DNAH3: variants seen among roughly 807,000 people sequenced by gnomAD.
DNAH3 encodes dynein axonemal heavy chain 3, also known as axonemal beta dynein heavy chain 3.
Under a neutral mutation model 432.5 loss-of-function variants are expected in DNAH3, and 332 were observed. The observed-to-expected ratio is 0.77, with a 90% CI of 0.70 to 0.84. The LOEUF (loss-of-function observed/expected upper bound fraction) is 0.84, where lower values mean the gene tolerates loss of function less well. DNAH3 is among the 40% of genes least tolerant of loss of function. DNAH3 has a pLI of 0.00. For missense variants in DNAH3, 4,861 were observed against 5,114.0 expected, an observed-to-expected ratio of 0.95 and a Z score of 1.51; for synonymous variants, 1,956 against 1,900.2, an observed-to-expected ratio of 1.03 and a Z score of -0.76.
chr16:21,003,096 C>T lies in DNAH3; in HGVS notation c.6126+8G>A. ...CCAAAGTTCCATGGCCAATGATTCT[C>T]TTTATACCTTTGCACCAGCTGGAAC... is the stretch of plus-strand genomic sequence containing the variant. On this transcript the variant is annotated splice_region_variant and intron_variant, in intron 42 of 61. Transcript: ENST00000261383. 6.3e-7 allele frequency: 1 copy of T among 1,577,610 alleles called. No homozygotes were observed. The highest frequency in any genetic ancestry group is 1.1e-5 in the South Asian group (1 of 89,844).
At chr16:20,945,453 T>G (rs546402563) in intron 57 of DNAH3, among the ~76,000 whole-genome samples, 1 of 152,240 alleles carries the variant, frequency 6.6e-6, no homozygotes, top group Non-Finnish European at 1.5e-5. Context: ...CAGCAACCCA[T>G]GTCATTGCTC....
chr16:21,129,517 G>A, intron 7 of DNAH3: 1 of 145,554 alleles, frequency 6.9e-6, no homozygotes, highest in Non-Finnish European at 1.5e-5. Flanking sequence ...ATCATTTGAG[G>A]TCAGGAGTTA....
At chr16:20,962,389 T>C (rs986044140) in intron 53 of DNAH3, among the ~76,000 whole-genome samples, 2 of 152,154 alleles carry the variant, frequency 1.3e-5, no homozygotes. Flanking sequence ...GGCCCGTGCA[T>C]TGTGAGGCTT....
chr16:21,104,485 C>A lies in DNAH3; in HGVS notation c.2352G>T (p.Met784Ile), dbSNP rs767414749. Residue 784 changes from methionine (M) to isoleucine (I), a missense_variant, in exon 16 of 62, where the codon ATG becomes ATT. By Grantham distance (10) the Met-to-Ile change is conservative. Coordinates refer to ENST00000261383, the Ensembl canonical transcript of DNAH3. ...TCTCCCGGTACCTTTTAATCAGATC[C>A]ATTTCTGCCTGATCCCTCTTGTGAA... The A allele has an allele frequency of 1.4e-5, 23 of 1,613,742 alleles. No homozygotes were observed. Among genetic ancestry groups the A allele is most frequent in the South Asian group, 2.2e-5 (2 of 91,074 alleles).
intron 11 of DNAH3, chr16:21,120,721 G>T: frequency 6.4e-7 from 1 of 1,567,480 alleles, no homozygotes; most frequent in Non-Finnish European, 8.8e-7. Flanking sequence ...TTCATCAAAT[G>T]TAGTACCGGC....
intron 5 of DNAH3, among the ~76,000 whole-genome samples, chr16:21,138,718 G>A (rs1025962297): frequency 2.0e-5 from 3 of 152,008 alleles, no homozygotes; most frequent in African/African-American, 7.2e-5. Context: ...GCTGAGGCAG[G>A]AGAATCACTT....
At chr16:20,950,517 G>T (rs1392418938) in intron 56 of DNAH3, among the ~76,000 whole-genome samples, 3 of 152,124 alleles carry the variant, frequency 2.0e-5, no homozygotes, top group Admixed American at 6.6e-5. Flanking sequence ...TTAAGCCTCT[G>T]TCTTCCCAGC....
chr16:21,014,745 G>A (rs1012768386), intron 41 of DNAH3, among the ~76,000 whole-genome samples: 2 of 152,082 alleles, frequency 1.3e-5, no homozygotes, highest in African/African-American at 4.8e-5. Context: ...AAGATGGCTG[G>A]ATACAAGATT....
intron 31 of DNAH3, among the ~76,000 whole-genome samples, chr16:21,042,621 AT>A (rs1334530108): frequency 6.6e-6 from 1 of 151,890 alleles, no homozygotes; most frequent in South Asian, 2.1e-4. Context: ...GTTTCATTAA[AT>A]TTTTTATTTC....
chr16:21,066,105 C>T (rs750510593), intron 24 of DNAH3, among the ~76,000 whole-genome samples: 12 of 151,972 alleles, frequency 7.9e-5, no homozygotes, highest in Admixed American at 2.0e-4. Context: ...GGATTACAGG[C>T]ATAAGCCACC....
rs1229254266 is a variant in DNAH3, at chr16:21,145,449, C to G, written c.223-43G>C. 2.6e-6 allele frequency: 4 copies of G among 1,540,876 alleles called. No individual in the cohort carries two copies. In the African/African-American group the frequency reaches 4.1e-5, roughly 16 times the overall value. On this transcript the variant is annotated intron_variant, in intron 2 of 61. Transcript: ENST00000261383. Reference sequence around the variant, plus strand: ...CAGAGTGAGACACAATGAGGAACATCTCTCGATGAGCCTGAGCTCTGCTCA... The same window carrying G: ...CAGAGTGAGACACAATGAGGAACATGTCTCGATGAGCCTGAGCTCTGCTCA...
intron 18 of DNAH3, among the ~76,000 whole-genome samples, chr16:21,091,016 G>A (rs1037562183): frequency 6.6e-6 from 1 of 151,992 alleles, no homozygotes; most frequent in East Asian, 1.9e-4. Flanking sequence ...AGCTGGGTGT[G>A]GTGGTGTGCA....
rs1408785924 is a variant in DNAH3 at position 21,081,893 on chromosome 16, A to G, written c.2878-166T>C. ...GAGATGTGGCTAGTGTGACTGAGGA[A>G]TTTATTTTTAAATTAAATTAAAAAA... is the stretch of plus-strand genomic sequence containing the variant. On this transcript the variant is annotated intron_variant, in intron 19 of 61. Transcript: ENST00000261383. Among the ~76,000 whole-genome samples the G allele has an allele frequency of 7.9e-5, 12 of 152,102 alleles. 1 individual carries two copies. The South Asian group carries it at 2.5e-3, about 32-fold the overall frequency.
chr16:21,136,053 C>A (rs550143327), intron 6 of DNAH3, among the ~76,000 whole-genome samples: 4 of 152,036 alleles, frequency 2.6e-5, no homozygotes, highest in East Asian at 1.9e-4. Flanking sequence ...TTTGAATTAG[C>A]GGTTAAATGA....
chr16:20,968,939 C>G (rs1224514965), intron 52 of DNAH3, among the ~76,000 whole-genome samples: 1 of 152,114 alleles, frequency 6.6e-6, no homozygotes, highest in Non-Finnish European at 1.5e-5. Context: ...CTCTGCATCT[C>G]TCTGTCTCCA....
At chr16:20,938,588 C>T (rs2083683007) in intron 59 of DNAH3, among the ~76,000 whole-genome samples, 1 of 150,404 alleles carries the variant, frequency 6.6e-6, no homozygotes, top group Non-Finnish European at 1.5e-5. Context: ...GAACACTTGC[C>T]CAGAAGACAC....
rs1214808145 is a variant in DNAH3, at chr16:20,988,140, C to A, written c.6602-75G>T. On this transcript the variant is annotated intron_variant, in intron 44 of 61. Coordinates refer to ENST00000261383, the Ensembl canonical transcript of DNAH3. Reference sequence around the variant, plus strand: ...ACACTGTCTGTGACCCTAGGATGCACACGAGGTGGCTTTGCCTTCTGCCTT... The same window carrying A: ...ACACTGTCTGTGACCCTAGGATGCAAACGAGGTGGCTTTGCCTTCTGCCTT... 3.8e-6 allele frequency: 6 copies of A among 1,582,734 alleles called. No individual in the cohort carries two copies. In the African/African-American group the frequency reaches 6.7e-5, roughly 18 times the overall value.
At chr16:20,936,980 A>G (rs1033700964) in intron 59 of DNAH3, 127 bp from the exon 60 acceptor site, 5 of 728,934 alleles carry the variant, frequency 6.9e-6, no homozygotes, top group Non-Finnish European at 1.1e-5. Context: ...GGAAAAATTA[A>G]ATCACCCGTT....
chr16:21,069,940 C>G (rs998653735), intron 22 of DNAH3, among the ~76,000 whole-genome samples: 1 of 152,106 alleles, frequency 6.6e-6, no homozygotes, highest in African/African-American at 2.4e-5. Context: ...GATTACAAAC[C>G]GTGTTTTCCA....
Sources: gnomAD v4.1 joint callset for allele counts (sites outside exome capture counted in the v4.1 genomes callset) on GRCh38, gnomAD v4.1.1 for gene constraint, MANE v1.5 for transcripts, NCBI Gene and HGNC (gene_info 2026-07-23, HGNC 2026-07-21) for gene names.